RBFOX1: variants seen among roughly 807,000 people sequenced by gnomAD.
RBFOX1 encodes RNA binding fox-1 homolog 1.
RBFOX1 carries 8 observed loss-of-function variants against 57.7 expected under a neutral mutation model. The ratio of observed to expected loss-of-function variants is 0.14; its 90% CI spans 0.08 to 0.25. The LOEUF is 0.25. Among genes scored for constraint, RBFOX1 ranks in the 10% least tolerant of loss-of-function variants. The pLI is 1.00. For missense variants in RBFOX1, 611 were observed against 548.5 expected (o/e 1.11, Z -1.14); for synonymous variants, 326 against 222.4 (o/e 1.47, Z -4.15).
chr16:7,441,089 C>T (rs899309199), intron 4 of RBFOX1, among the ~76,000 whole-genome samples: 2 of 152,104 alleles, frequency 1.3e-5, no homozygotes, highest in Non-Finnish European at 2.9e-5. Flanking sequence ...AAGATATCCT[C>T]TTTAAAGAGA....
chr16:6,137,626 T>A (rs1314838045), intron 1 of RBFOX1, among the ~76,000 whole-genome samples: 1 of 147,150 alleles, frequency 6.8e-6, no homozygotes, highest in Non-Finnish European at 1.5e-5. Context: ...TTTTTTTTTT[T>A]TTTTTTTGAC....
In RBFOX1 at chr16:5,910,397, C is replaced by G. The variant is rs190896965; in HGVS notation, c.351+43062C>G. Among the ~76,000 whole-genome samples the G allele has an allele frequency of 1.5e-4, 23 of 152,318 alleles. No individual in the cohort carries two copies. The East Asian group carries it at 4.2e-3, about 28-fold the overall frequency. On this transcript the variant is annotated intron_variant, in intron 4 of 19. Transcript: ENST00000641259. ...CTTGACTGGAAGAATGTCCCTTCTT[C>G]AGCTCAGAATGCTTATGGGAGGTTC...
intron 3 of RBFOX1, among the ~76,000 whole-genome samples, chr16:5,648,402 G>C (rs1414658367): frequency 6.6e-6 from 1 of 152,214 alleles, no homozygotes; most frequent in East Asian, 1.9e-4. Flanking sequence ...GGTGCACTCT[G>C]CCAGAAGAGG....
At chr16:7,507,577 T>TTG (rs1555529560) in intron 4 of RBFOX1, among the ~76,000 whole-genome samples, 3 of 146,394 alleles carry the variant, frequency 2.0e-5, no homozygotes, top group African/African-American at 7.5e-5. Context: ...TTTTTTTTTT[T>TTG]TTTTGAGACG....
At chr16:7,331,796 TATTA>T (rs1050641771) in intron 4 of RBFOX1, among the ~76,000 whole-genome samples, 1 of 152,168 alleles carries the variant, frequency 6.6e-6, no homozygotes, top group Non-Finnish European at 1.5e-5. Flanking sequence ...ATTCCAATTA[TATTA>T]ATTAATATAT....
chr16:7,122,119 C>T (rs1003895730), intron 4 of RBFOX1, among the ~76,000 whole-genome samples: 1 of 151,980 alleles, frequency 6.6e-6, no homozygotes, highest in Non-Finnish European at 1.5e-5. Flanking sequence ...GCCATGACAC[C>T]AAATGCACAA....
chr16:7,244,337 G>A (rs545230747), intron 4 of RBFOX1, among the ~76,000 whole-genome samples: 1 of 150,680 alleles, frequency 6.6e-6, no homozygotes, highest in Admixed American at 6.6e-5. Context: ...AAAGTTGCTG[G>A]CCTTTGAGCA....
chr16:7,699,490 G>A (rs980001133), intron 14 of RBFOX1, among the ~76,000 whole-genome samples: 3 of 152,130 alleles, frequency 2.0e-5, no homozygotes, highest in Admixed American at 6.5e-5. Context: ...ACCACACCCA[G>A]CCAACGTTTT....
chr16:6,346,164 C>G (rs2085336500), intron 2 of RBFOX1, among the ~76,000 whole-genome samples: 1 of 151,966 alleles, frequency 6.6e-6, no homozygotes, highest in African/African-American at 2.4e-5. Context: ...TTTGGGGGGC[C>G]CAAGGTATTT....
chr16:6,552,723 T>C lies in RBFOX1; in HGVS notation c.-63-101880T>C, dbSNP rs373037336. Among the ~76,000 whole-genome samples the C allele has an allele frequency of 7.8e-4, 119 of 152,304 alleles. 1 individual carries two copies. Among genetic ancestry groups the C allele is most frequent in the Middle Eastern group, 6.8e-3 (2 of 294 alleles). ...TAATTATGTGATATACACATACATA[T>C]GTGTGTACATTTTATACCAAAAATT... is the stretch of plus-strand genomic sequence containing the variant. On this transcript the variant is annotated intron_variant, in intron 2 of 15. Coordinates refer to ENST00000550418, the MANE Select transcript of RBFOX1 (RefSeq NM_018723.4).
chr16:6,725,161 C>T (rs2066906461), intron 3 of RBFOX1, among the ~76,000 whole-genome samples: 1 of 149,748 alleles, frequency 6.7e-6, no homozygotes, highest in South Asian at 2.1e-4. Context: ...CGCCATTCTC[C>T]TGCCTCAGCC....
At chr16:6,787,503 G>T (rs2082163760) in intron 3 of RBFOX1, among the ~76,000 whole-genome samples, 1 of 152,176 alleles carries the variant, frequency 6.6e-6, no homozygotes, top group Non-Finnish European at 1.5e-5. Flanking sequence ...GAAGTTGTGT[G>T]ACTGTATGCT....
At chr16:6,104,487 C>G (rs1403817719) in intron 1 of RBFOX1, among the ~76,000 whole-genome samples, 2 of 152,246 alleles carry the variant, frequency 1.3e-5, no homozygotes, top group East Asian at 3.9e-4. Context: ...ATTCAATTAT[C>G]TTTAGAAAAT....
chr16:6,673,588 A>C (rs193024061), intron 3 of RBFOX1, among the ~76,000 whole-genome samples: 68 of 152,290 alleles, frequency 4.5e-4, no homozygotes, highest in Non-Finnish European at 8.5e-4. Flanking sequence ...TGGGAGACAG[A>C]GCGAGACTCC....
chr16:6,900,510 G>A (rs1020092958), intron 3 of RBFOX1, among the ~76,000 whole-genome samples: 3 of 152,180 alleles, frequency 2.0e-5, no homozygotes, highest in African/African-American at 7.2e-5. Flanking sequence ...GCCTTGGATG[G>A]TCTGGCCCTG....
chr16:7,202,422 T>C (rs1296037063), intron 4 of RBFOX1, among the ~76,000 whole-genome samples: 1 of 152,078 alleles, frequency 6.6e-6, no homozygotes, highest in African/African-American at 2.4e-5. Context: ...AGCATGGAGA[T>C]TCCCAAATAA....
chr16:6,737,147 G>A (rs1380479633), intron 3 of RBFOX1, among the ~76,000 whole-genome samples: 2 of 152,160 alleles, frequency 1.3e-5, no homozygotes, highest in Non-Finnish European at 2.9e-5. Flanking sequence ...AAACAACAGA[G>A]GCAAAGCTGT....
At chr16:7,063,507 G>C (rs1036861814) in intron 4 of RBFOX1, among the ~76,000 whole-genome samples, 1 of 152,202 alleles carries the variant, frequency 6.6e-6, no homozygotes, top group African/African-American at 2.4e-5. Context: ...TACTGGATCA[G>C]ATTCTGGAGA....
intron 2 of RBFOX1, among the ~76,000 whole-genome samples, chr16:6,488,032 G>C (rs1266608767): frequency 6.6e-6 from 1 of 151,974 alleles, no homozygotes; most frequent in Non-Finnish European, 1.5e-5. Context: ...TCATCTCCCA[G>C]CACCATTTAC....
Sources: gnomAD v4.1 joint callset for allele counts (sites outside exome capture counted in the v4.1 genomes callset) on GRCh38, gnomAD v4.1.1 for gene constraint, MANE v1.5 for transcripts, NCBI Gene and HGNC (gene_info 2026-07-23, HGNC 2026-07-21) for gene names.